ODF2: variants seen among roughly 807,000 people sequenced by gnomAD.
ODF2 encodes the protein outer dense fiber protein 2.
A neutral mutation model predicts 110.2 loss-of-function variants in ODF2; 47 were observed. The observed-to-expected ratio is 0.43, with a 90% CI of 0.34 to 0.54. ODF2 has a LOEUF of 0.54. Among genes scored for constraint, ODF2 ranks in the 20% least tolerant of loss-of-function variants. ODF2 has a pLI of 0.03. For missense variants in ODF2, 812 were observed against 1,054.5 expected (o/e 0.77, Z 3.19); for synonymous variants, 352 against 397.7 (o/e 0.89, Z 1.37).
At chr9:128,464,156 CTTTT>C (rs1288565881) in intron 4 of ODF2, among the ~76,000 whole-genome samples, 1 of 118,596 alleles carries the variant, frequency 8.4e-6, no homozygotes. Context: ...CCAAAAATGC[CTTTT>C]TTTTTTTTTT....
At chr9:128,461,104 T>G in intron 4 of ODF2, 37 bp downstream of exon 4, 3 of 1,605,042 alleles carry the variant, frequency 1.9e-6, no homozygotes, top group Non-Finnish European at 2.6e-6. Flanking sequence ...CTTCTCGGAC[T>G]GCTCAGATCC....
chr9:128,498,565 C>A (rs774318802), exon 19 of ODF2: 7 of 1,571,708 alleles, frequency 4.5e-6, no homozygotes, highest in East Asian at 2.3e-5. Flanking sequence ...ATTGAAGATG[C>A]GAGGAGGCAG....
exon 5 of ODF2, chr9:128,469,321 C>G: frequency 6.2e-7 from 1 of 1,614,152 alleles, no homozygotes; most frequent in Non-Finnish European, 8.5e-7. Flanking sequence ...GATTGATAGT[C>G]TAATGAATGC....
At chr9:128,462,575 A>G (rs1233352729) in intron 4 of ODF2, among the ~76,000 whole-genome samples, 2 of 151,892 alleles carry the variant, frequency 1.3e-5, no homozygotes, top group Admixed American at 6.6e-5. Context: ...TAAAAACATC[A>G]TAGAAGAGTA....
chr9:128,473,687 TGAG>T (rs1249531342), exon 8 of ODF2: 1 of 1,613,670 alleles, frequency 6.2e-7, no homozygotes, highest in Non-Finnish European at 8.5e-7. Context: ...TGAGCACATT[TGAG>T]GAGACCAACC....
intron 2 of ODF2, among the ~76,000 whole-genome samples, chr9:128,458,993 C>A (rs747691859): frequency 2.6e-5 from 4 of 151,992 alleles, no homozygotes; most frequent in African/African-American, 9.7e-5. Context: ...TACAGACACA[C>A]GCCACCACGC....
intron 18 of ODF2, chr9:128,497,451 A>T (rs1845830662): frequency 1.9e-5 from 1 of 54,014 alleles, no homozygotes; most frequent in Non-Finnish European, 3.2e-5. Context: ...AAAAAAATAT[A>T]TATATATATA....
At chr9:128,497,456 T>C (rs1486202850) in intron 18 of ODF2, 2 of 71,786 alleles carry the variant, frequency 2.8e-5, no homozygotes, top group African/African-American at 1.6e-4. Flanking sequence ...AATATATATA[T>C]ATATATATAT....
chr9:128,491,098 G>GC (rs1844454818), intron 14 of ODF2, among the ~76,000 whole-genome samples: 1 of 151,588 alleles, frequency 6.6e-6, no homozygotes, highest in African/African-American at 2.4e-5. Flanking sequence ...AGGCTGGAGT[G>GC]CAGTGGTGCA....
intron 16 of ODF2, 38 bp downstream of exon 16, chr9:128,492,843 T>C (rs1844857199): frequency 6.5e-7 from 1 of 1,531,900 alleles, no homozygotes; most frequent in Non-Finnish European, 9.0e-7. Context: ...TCCTACCCAA[T>C]TCCATATCTA....
At chr9:128,487,381 A>G (rs1051618040) in intron 13 of ODF2, among the ~76,000 whole-genome samples, 2 of 152,188 alleles carry the variant, frequency 1.3e-5, no homozygotes, top group Admixed American at 1.3e-4. Flanking sequence ...CAGCAATGCC[A>G]AGGCAGGGCA....
chr9:128,485,518 C>A lies in ODF2; in HGVS notation c.1400+44C>A. Reference sequence around the variant, plus strand: ...GAGGGAATGTGGCGCTGTTGAGGGACTTGGGTGTGCAGGTGGGAGGGGCCT... The same window carrying A: ...GAGGGAATGTGGCGCTGTTGAGGGAATTGGGTGTGCAGGTGGGAGGGGCCT... On this transcript the variant is annotated intron_variant, in intron 13 of 20. Coordinates refer to ENST00000604420, the Ensembl canonical transcript of ODF2. The surrounding 1 kb of genome is among the most constrained non-coding windows in gnomAD (Gnocchi z 5.0). 8.9e-7 allele frequency: 1 copy of A among 1,123,034 alleles called. No homozygotes were observed. Among genetic ancestry groups the A allele is most frequent in the Non-Finnish European group, 1.3e-6 (1 of 743,970 alleles). The allele number at this position is 1,123,034 out of a possible 1,614,324, so 69.6% of individuals were successfully genotyped here. A position where few individuals can be genotyped will look rare whatever the true frequency, so the allele number is the denominator to read the frequency against.
At chr9:128,498,378 G>A in intron 18 of ODF2, 35 bp from the exon 19 acceptor site, 12 of 1,507,262 alleles carry the variant, frequency 8.0e-6, no homozygotes, top group Non-Finnish European at 9.8e-6. Flanking sequence ...ACAGGTTGGG[G>A]TATGCCCAGG....
At chr9:128,462,261 C>T (rs1836678242) in intron 4 of ODF2, among the ~76,000 whole-genome samples, 1 of 151,600 alleles carries the variant, frequency 6.6e-6, no homozygotes, top group Non-Finnish European at 1.5e-5. Context: ...AGCGATTCTC[C>T]TGCCTCAGCC....
chr9:128,459,786 A>T, intron 3 of ODF2, 129 bp downstream of exon 2: 1 of 643,412 alleles, frequency 1.6e-6, no homozygotes, highest in South Asian at 1.9e-5. Context: ...AGGTGCTGTT[A>T]TACATACTCT....
intron 11 of ODF2, 55 bp from the exon 12 acceptor site, chr9:128,484,646 C>T: frequency 6.5e-7 from 1 of 1,538,566 alleles, no homozygotes; most frequent in Non-Finnish European, 8.8e-7. Flanking sequence ...CTTTGCCTTC[C>T]CACAACCTCC....
chr9:128,468,286 A>G (rs1379371801), intron 4 of ODF2, among the ~76,000 whole-genome samples: 1 of 152,144 alleles, frequency 6.6e-6, no homozygotes, highest in Non-Finnish European at 1.5e-5. Context: ...CCCTAGGTAT[A>G]AAAAAATGTA....
In ODF2 at chr9:128,498,550, GT is replaced by G. The variant is rs750077004; in HGVS notation, c.2151del (p.Ser717ArgfsTer35). ...GGGACCCTGGCAAGGCAGTTGGAGA[GT>G]GCCATTGAAGATGCGAGGAGGCAGG... On this transcript the variant is annotated frameshift_variant, in exon 19 of 21. Coordinates refer to ENST00000604420, the Ensembl canonical transcript of ODF2. LOFTEE classifies it high-confidence loss of function. 4.4e-6 allele frequency: 7 copies of G among 1,606,468 alleles called. No homozygotes were observed. In the South Asian group the frequency reaches 7.8e-5, roughly 18 times the overall value.
At chr9:128,462,570 A>G (rs1010111744) in intron 4 of ODF2, among the ~76,000 whole-genome samples, 3 of 151,790 alleles carry the variant, frequency 2.0e-5, no homozygotes, top group African/African-American at 7.3e-5. Flanking sequence ...TGTCCTAAAA[A>G]CATCATAGAA....
Sources: gnomAD v4.1 joint callset for allele counts (sites outside exome capture counted in the v4.1 genomes callset) on GRCh38, gnomAD v4.1.1 for gene constraint, Gnocchi (gnomAD v3.1) non-coding constraint, MANE v1.5 for transcripts, NCBI Gene and HGNC (gene_info 2026-07-23, HGNC 2026-07-21) for gene names.